CTNNA2: variants seen among roughly 807,000 people sequenced by gnomAD.
CTNNA2 encodes catenin alpha 2, also known as catenin alpha-2.
CTNNA2 carries 42 observed loss-of-function variants against 101.0 expected under a neutral mutation model. That is an observed-to-expected ratio of 0.42 (90% CI 0.32 to 0.54). The LOEUF (loss-of-function observed/expected upper bound fraction) is 0.54, where lower values mean the gene tolerates loss of function less well. CTNNA2 is among the 20% of genes least tolerant of loss of function. The probability of loss-of-function intolerance (pLI) is 0.14; values close to 1 mark genes in which losing one functional copy is unlikely to be tolerated. For synonymous variants in CTNNA2, 450 were observed against 456.4 expected (o/e 0.99, Z 0.18); for missense variants, 871 against 1,223.1 (o/e 0.71, Z 4.29).
At chr2:80,436,448 T>G (rs866882786) in intron 9 of CTNNA2, among the ~76,000 whole-genome samples, 595 of 80,706 alleles carry the variant, frequency 7.4e-3, no homozygotes, top group African/African-American at 0.012. Flanking sequence ...CTCTGGGGGG[T>G]GGTGGGGGAA....
At chr2:79,659,023 CTTTATA>C (rs1158478579) in intron 2 of CTNNA2, among the ~76,000 whole-genome samples, 2 of 152,034 alleles carry the variant, frequency 1.3e-5, no homozygotes, top group Admixed American at 6.6e-5. Context: ...TTTTCTCCCT[CTTTATA>C]TTTAATTTAT....
intron 2 of CTNNA2, among the ~76,000 whole-genome samples, chr2:79,289,436 G>T (rs529869508): frequency 2.0e-5 from 3 of 152,018 alleles, no homozygotes; most frequent in Non-Finnish European, 4.4e-5. Flanking sequence ...TACATGTGAC[G>T]AGTGGTGGGC....
chr2:79,493,226 G>A (rs953912240), intron 4 of CTNNA2, among the ~76,000 whole-genome samples: 1 of 152,074 alleles, frequency 6.6e-6, no homozygotes, highest in Non-Finnish European at 1.5e-5. Flanking sequence ...CAGGAGGGAA[G>A]GGGAGGGGAG....
At chr2:79,338,490 G>C (rs1677047328) in intron 3 of CTNNA2, among the ~76,000 whole-genome samples, 1 of 152,016 alleles carries the variant, frequency 6.6e-6, no homozygotes, top group Non-Finnish European at 1.5e-5. Context: ...GATCAGAACA[G>C]GTAGTGAAAA....
At chr2:79,403,273 A>G (rs1678308480) in intron 4 of CTNNA2, among the ~76,000 whole-genome samples, 1 of 151,962 alleles carries the variant, frequency 6.6e-6, no homozygotes, top group South Asian at 2.1e-4. Flanking sequence ...AACTCTAAAC[A>G]AAAGTAATAG....
intron 2 of CTNNA2, among the ~76,000 whole-genome samples, chr2:79,252,619 A>G (rs1242809465): frequency 6.6e-6 from 1 of 152,046 alleles, no homozygotes; most frequent in Non-Finnish European, 1.5e-5. Flanking sequence ...ATACACAGTC[A>G]TATAGGTTTA....
At chr2:79,643,968 A>G (rs1680624996) in intron 1 of CTNNA2, among the ~76,000 whole-genome samples, 1 of 152,062 alleles carries the variant, frequency 6.6e-6, no homozygotes, top group South Asian at 2.1e-4. Context: ...TACCCGTCTT[A>G]CATCCTCTTC....
chr2:80,349,667 C>G (rs1479266797), intron 7 of CTNNA2, among the ~76,000 whole-genome samples: 2 of 152,004 alleles, frequency 1.3e-5, no homozygotes, highest in East Asian at 3.9e-4. Flanking sequence ...AGATTCTACC[C>G]TTTCTTCTGT....
intron 1 of CTNNA2, among the ~76,000 whole-genome samples, chr2:79,617,892 C>A (rs1678736141): frequency 6.6e-6 from 1 of 152,080 alleles, no homozygotes; most frequent in South Asian, 2.1e-4. Flanking sequence ...TCAGTTCTTC[C>A]CCTGTCCTCA....
intron 4 of CTNNA2, among the ~76,000 whole-genome samples, chr2:79,410,076 G>A (rs58812583): frequency 0.22 from 32,649 of 146,626 alleles, 3,575 homozygotes; most frequent in Middle Eastern, 0.34. Context: ...GTGAATGGGA[G>A]TTCACTCATG....
intron 7 of CTNNA2, among the ~76,000 whole-genome samples, chr2:80,081,600 C>T (rs1339466939): frequency 6.7e-6 from 1 of 149,926 alleles, no homozygotes; most frequent in Non-Finnish European, 1.5e-5. Flanking sequence ...ATATAAGTTG[C>T]TTTAAAAAAT....
chr2:80,085,198 G>T (rs935628008), intron 7 of CTNNA2, among the ~76,000 whole-genome samples: 18 of 152,022 alleles, frequency 1.2e-4, no homozygotes, highest in African/African-American at 4.1e-4. Context: ...GACCAATATT[G>T]GTTGGTAAGG....
At chr2:79,230,785 C>A (rs1019151178) in intron 2 of CTNNA2, among the ~76,000 whole-genome samples, 2 of 152,330 alleles carry the variant, frequency 1.3e-5, no homozygotes, top group South Asian at 2.1e-4. Flanking sequence ...GGCAGAGCTG[C>A]CCAAGACTAT....
At chr2:79,293,899 T>C (rs1675897988) in intron 2 of CTNNA2, among the ~76,000 whole-genome samples, 1 of 152,162 alleles carries the variant, frequency 6.6e-6, no homozygotes, top group Non-Finnish European at 1.5e-5. Flanking sequence ...CTGTCAATCT[T>C]TATCTTAGAT....
intron 7 of CTNNA2, among the ~76,000 whole-genome samples, chr2:80,070,700 A>G (rs1469946440): frequency 2.8e-5 from 4 of 143,186 alleles, no homozygotes; most frequent in Non-Finnish European, 6.0e-5. Flanking sequence ...CTCGGCAAAC[A>G]GAGTGAGACC....
intron 1 of CTNNA2, among the ~76,000 whole-genome samples, chr2:79,625,188 G>A (rs1679229835): frequency 6.6e-6 from 1 of 152,040 alleles, no homozygotes. Context: ...TATTGGTGAA[G>A]GGATATTATA....
At chr2:80,599,311 G>T (rs1697257418) in intron 15 of CTNNA2, among the ~76,000 whole-genome samples, 1 of 152,134 alleles carries the variant, frequency 6.6e-6, no homozygotes, top group African/African-American at 2.4e-5. Context: ...TGTTAAAATT[G>T]CTATAGGCAC....
intron 2 of CTNNA2, among the ~76,000 whole-genome samples, chr2:79,712,584 G>C (rs1685812548): frequency 6.6e-6 from 1 of 152,140 alleles, no homozygotes. Context: ...GTCAACAAAT[G>C]AAAGAGTGTA....
chr2:80,446,034 ACT>A (rs1421690157), intron 9 of CTNNA2, among the ~76,000 whole-genome samples: 2 of 152,076 alleles, frequency 1.3e-5, no homozygotes, highest in Non-Finnish European at 2.9e-5. Context: ...ACATGGCAAG[ACT>A]CTGGTAATTG....
Sources: allele counts gnomAD v4.1 joint callset (sites outside exome capture counted in the v4.1 genomes callset), GRCh38; gene constraint gnomAD v4.1.1; transcripts MANE v1.5; gene names NCBI Gene and HGNC (gene_info 2026-07-23, HGNC 2026-07-21).